The following NXPH1 variants were observed in gnomAD, a reference collection of about 807,000 sequenced individuals.
NXPH1 encodes neurexophilin-1.
NXPH1 carries 5 observed loss-of-function variants against 23.7 expected under a neutral mutation model. The ratio of observed to expected loss-of-function variants is 0.21; its 90% CI spans 0.11 to 0.44. The LOEUF is 0.44. Ranked by LOEUF, NXPH1 falls within the 20% of genes least tolerant of loss-of-function variation. The pLI, the probability that NXPH1 is intolerant of heterozygous loss-of-function variation, is 0.99. For synonymous variants in NXPH1, 144 were observed against 122.2 expected (o/e 1.18, Z -1.18); for missense variants, 324 against 321.6 (o/e 1.01, Z -0.06).
intron 2 of NXPH1, among the ~76,000 whole-genome samples, chr7:8,660,789 G>GTA (rs1820658094): frequency 6.6e-6 from 1 of 152,036 alleles, no homozygotes; most frequent in Non-Finnish European, 1.5e-5. Flanking sequence ...TTATGACACT[G>GTA]TACAAGAACA....
chr7:8,684,150 G>A (rs1821104016), intron 2 of NXPH1, among the ~76,000 whole-genome samples: 1 of 152,166 alleles, frequency 6.6e-6, no homozygotes, highest in African/African-American at 2.4e-5. Context: ...GGTTGGATGA[G>A]TGACAGTGAG....
chr7:8,713,497 T>G (rs1779827700), intron 2 of NXPH1, among the ~76,000 whole-genome samples: 1 of 149,528 alleles, frequency 6.7e-6, no homozygotes, highest in Admixed American at 6.6e-5. Context: ...ATGGTCTTGA[T>G]GCTTGCAGAT....
intron 2 of NXPH1, among the ~76,000 whole-genome samples, chr7:8,465,691 A>G (rs549085560): frequency 1.1e-4 from 16 of 152,346 alleles, no homozygotes; most frequent in African/African-American, 3.4e-4. Flanking sequence ...ACTTACACTT[A>G]GAAATTATTT....
chr7:8,474,671 A>G (rs2128608918), intron 2 of NXPH1, among the ~76,000 whole-genome samples: 1 of 152,298 alleles, frequency 6.6e-6, no homozygotes, highest in African/African-American at 2.4e-5. Flanking sequence ...AAACTTTAAT[A>G]GTCGCATACT....
intron 2 of NXPH1, among the ~76,000 whole-genome samples, chr7:8,723,316 T>C (rs1313501572): frequency 6.6e-6 from 1 of 152,184 alleles, no homozygotes; most frequent in East Asian, 1.9e-4. Flanking sequence ...AGTATTCTTT[T>C]CATTACCACA....
intron 2 of NXPH1, among the ~76,000 whole-genome samples, chr7:8,679,735 A>C (rs1821022086): frequency 6.6e-6 from 1 of 152,226 alleles, no homozygotes; most frequent in Non-Finnish European, 1.5e-5. Context: ...ATTAAGATTT[A>C]AGCTAGGCTG....
chr7:8,564,409 G>C (rs929888405), intron 2 of NXPH1, among the ~76,000 whole-genome samples: 1 of 151,706 alleles, frequency 6.6e-6, no homozygotes, highest in Non-Finnish European at 1.5e-5. Context: ...TTCTCCTCTG[G>C]ATGTGACATT....
chr7:8,457,593 G>A (rs1043571859), intron 2 of NXPH1, among the ~76,000 whole-genome samples: 3 of 150,406 alleles, frequency 2.0e-5, no homozygotes, highest in Non-Finnish European at 4.4e-5. Flanking sequence ...AGCCTCAGAA[G>A]GCAGGTAAGA....
chr7:8,505,856 A>G (rs932665788), intron 2 of NXPH1, among the ~76,000 whole-genome samples: 1 of 152,128 alleles, frequency 6.6e-6, no homozygotes, highest in African/African-American at 2.4e-5. Flanking sequence ...TTTGTTGTGC[A>G]TAAAAACCAC....
At chr7:8,637,803 G>T (rs1198416776) in intron 2 of NXPH1, among the ~76,000 whole-genome samples, 2 of 152,110 alleles carry the variant, frequency 1.3e-5, no homozygotes, top group Non-Finnish European at 2.9e-5. Context: ...AGTGGTTTAA[G>T]TCAGGAAATA....
chr7:8,658,660 C>T lies in NXPH1; in HGVS notation c.55-92348C>T, dbSNP rs1234551991. Among the ~76,000 whole-genome samples, 3 of 152,222 alleles carry T rather than the reference C, an allele frequency of 2.0e-5. No individual in the cohort carries two copies. The East Asian group carries it at 5.8e-4, about 29-fold the overall frequency. ...GTCATTTATAATCATTCCTGGTTCCCATATCACAGTGTATTTATAAAAACA... is the reference window on the plus strand; with the variant it reads ...GTCATTTATAATCATTCCTGGTTCCTATATCACAGTGTATTTATAAAAACA... On this transcript the variant is annotated intron_variant, in intron 2 of 2. Coordinates refer to ENST00000405863, the MANE Select transcript of NXPH1 (RefSeq NM_152745.3).
intron 2 of NXPH1, among the ~76,000 whole-genome samples, chr7:8,700,393 C>A (rs1779604373): frequency 6.6e-6 from 1 of 152,020 alleles, no homozygotes; most frequent in Admixed American, 6.6e-5. Context: ...TGTCTTTCAC[C>A]CATAAAGGAT....
chr7:8,613,327 G>A (rs751457407), intron 2 of NXPH1, among the ~76,000 whole-genome samples: 5 of 152,054 alleles, frequency 3.3e-5, no homozygotes, highest in African/African-American at 9.6e-5. Context: ...CAGGGCTTTC[G>A]TGGTGCATTT....
At chr7:8,573,440 G>A (rs1288714064) in intron 2 of NXPH1, among the ~76,000 whole-genome samples, 1 of 152,042 alleles carries the variant, frequency 6.6e-6, no homozygotes, top group African/African-American at 2.4e-5. Context: ...TCCCAATTTA[G>A]ACTTGAAGAG....
intron 2 of NXPH1, among the ~76,000 whole-genome samples, chr7:8,652,025 G>A (rs1820498968): frequency 6.6e-6 from 1 of 151,766 alleles, no homozygotes; most frequent in Admixed American, 6.6e-5. Context: ...CTTCTTTTTG[G>A]TAAATCTTAG....
At chr7:8,653,152 G>A (rs1288831443) in intron 2 of NXPH1, among the ~76,000 whole-genome samples, 1 of 151,580 alleles carries the variant, frequency 6.6e-6, no homozygotes, top group Non-Finnish European at 1.5e-5. Flanking sequence ...ACAGAAAAAT[G>A]ACTGCTCTTG....
intron 2 of NXPH1, among the ~76,000 whole-genome samples, chr7:8,686,230 T>G (rs895019183): frequency 6.6e-6 from 1 of 152,166 alleles, no homozygotes; most frequent in African/African-American, 2.4e-5. Flanking sequence ...GATTCCTCTT[T>G]CTAGTTTGCA....
intron 2 of NXPH1, among the ~76,000 whole-genome samples, chr7:8,539,745 T>G (rs1818083560): frequency 6.6e-6 from 1 of 151,732 alleles, no homozygotes; most frequent in African/African-American, 2.4e-5. Context: ...CAAACAAAAA[T>G]TAAGGTTATA....
At chr7:8,521,872 A>C (rs573377218) in intron 2 of NXPH1, among the ~76,000 whole-genome samples, 1 of 152,094 alleles carries the variant, frequency 6.6e-6, no homozygotes, top group Non-Finnish European at 1.5e-5. Flanking sequence ...GATTTGAAGG[A>C]TATGGAGATT....
Sources: allele counts gnomAD v4.1 joint callset (sites outside exome capture counted in the v4.1 genomes callset), GRCh38; gene constraint gnomAD v4.1.1; transcripts MANE v1.5; gene names NCBI Gene and HGNC (gene_info 2026-07-23, HGNC 2026-07-21).